Variants in MRPS28 observed in about 807,000 individuals in gnomAD.
The protein encoded by MRPS28 is mitochondrial ribosomal protein S28.
A neutral mutation model predicts 10.8 loss-of-function variants in MRPS28; 7 were observed. The observed-to-expected ratio is 0.65, with a 90% CI of 0.37 to 1.22. The LOEUF is 1.22. Ranked by LOEUF, MRPS28 falls within the 50% of genes most tolerant of loss-of-function variation. MRPS28 has a pLI of 0.02. For synonymous variants in MRPS28, 121 were observed against 93.3 expected (o/e 1.30, Z -1.71); for missense variants, 265 against 232.9 (o/e 1.14, Z -0.90).
chr8:79,971,548 C>T (rs545671624), intron 2 of MRPS28, among the ~76,000 whole-genome samples: 2 of 152,296 alleles, frequency 1.3e-5, no homozygotes, highest in African/African-American at 4.8e-5. Flanking sequence ...TAGGTCACCA[C>T]TAATCCATCT....
In MRPS28 at chr8:79,918,786, G is replaced by GA. The variant is rs1485925048; in HGVS notation, c.*193dup. 12 of 269,272 alleles carry GA rather than the reference G, an allele frequency of 4.5e-5. No homozygotes were observed. The highest frequency in any genetic ancestry group is 2.1e-4 in the African/African-American group (7 of 33,680). 16.7% of individuals were successfully genotyped at this position (269,272 alleles called of 1,614,324 possible). ...ACAGTGTATACTATCCCCACCAAAG[G>GA]AAAAAAACATTAAGAGCAAAACAAG... On this transcript the variant is annotated 3_prime_UTR_variant, in exon 3 of 3. Transcript: ENST00000276585.
intron 2 of MRPS28, among the ~76,000 whole-genome samples, chr8:79,950,267 A>G (rs1349127681): frequency 6.6e-6 from 1 of 152,152 alleles, no homozygotes; most frequent in East Asian, 1.9e-4. Context: ...AGTTTGGCAT[A>G]AACAGTAACC....
chr8:79,974,288 C>G (rs928576306), intron 2 of MRPS28, among the ~76,000 whole-genome samples: 4 of 152,058 alleles, frequency 2.6e-5, no homozygotes, highest in African/African-American at 9.7e-5. Context: ...CGCCTGTTAT[C>G]CCAGAACTTT....
chr8:80,012,805 T>C (rs1016134274), intron 1 of MRPS28, among the ~76,000 whole-genome samples: 3 of 152,244 alleles, frequency 2.0e-5, no homozygotes, highest in African/African-American at 7.2e-5. Flanking sequence ...CATTCATTCA[T>C]TCATCAAACA....
intron 2 of MRPS28, among the ~76,000 whole-genome samples, chr8:79,985,524 G>T (rs905866673): frequency 6.6e-6 from 1 of 151,884 alleles, no homozygotes; most frequent in Non-Finnish European, 1.5e-5. Context: ...TTGATAGACC[G>T]CTAGCAAGGC....
intron 2 of MRPS28, among the ~76,000 whole-genome samples, chr8:79,943,123 G>A (rs1806813084): frequency 6.6e-6 from 1 of 152,204 alleles, no homozygotes; most frequent in African/African-American, 2.4e-5. Flanking sequence ...AGTCAGTCCA[G>A]CAGCTGCATT....
intron 2 of MRPS28, among the ~76,000 whole-genome samples, chr8:79,935,669 G>A (rs1024446050): frequency 2.6e-5 from 4 of 152,202 alleles, no homozygotes; most frequent in Non-Finnish European, 4.4e-5. Flanking sequence ...ATTTATGTTT[G>A]TAGAGAGATA....
At chr8:80,029,799 T>C in intron 1 of MRPS28, 2 of 1,522,922 alleles carry the variant, frequency 1.3e-6, no homozygotes, top group Non-Finnish European at 1.8e-6. Context: ...ACAAGCGCAG[T>C]GTGGACAGAC....
intron 2 of MRPS28, among the ~76,000 whole-genome samples, chr8:79,991,480 G>A (rs1303375503): frequency 6.6e-6 from 1 of 152,122 alleles, no homozygotes; most frequent in Non-Finnish European, 1.5e-5. Context: ...GTATGGATAA[G>A]TAAGGAGACA....
chr8:80,027,415 C>G (rs12156383), intron 1 of MRPS28, among the ~76,000 whole-genome samples: 2 of 152,040 alleles, frequency 1.3e-5, no homozygotes, highest in East Asian at 3.9e-4. Flanking sequence ...TGAACTGAGC[C>G]GAAGCTTTTA....
At chr8:79,958,155 A>C (rs1391153670) in intron 2 of MRPS28, 3 of 481,542 alleles carry the variant, frequency 6.2e-6, no homozygotes, top group African/African-American at 6.1e-5. Context: ...ACTCATTAGC[A>C]ATCTCTCCCC....
In MRPS28 at chr8:79,943,163, A is replaced by G. The variant is rs534668810; in HGVS notation, c.396-24015T>C. Among the ~76,000 whole-genome samples, 9 of 152,330 alleles carry G rather than the reference A, an allele frequency of 5.9e-5. No homozygotes were observed. The South Asian group carries it at 1.9e-3, about 32-fold the overall frequency. On this transcript the variant is annotated intron_variant, in intron 2 of 2. Transcript: ENST00000276585. ...AACCATGCCAATCCTACACCAATAT[A>G]TAAAGACAGCTGCCTTGCCTGTCCT... is the stretch of plus-strand genomic sequence containing the variant.
rs967000538 is a variant in MRPS28, at chr8:79,926,629, T to C, written c.396-7481A>G. Among the ~76,000 whole-genome samples, 132 of 152,300 alleles carry C rather than the reference T, an allele frequency of 8.7e-4. 2 individuals are homozygous for C. Among genetic ancestry groups the C allele is most frequent in the African/African-American group, 3.1e-3 (127 of 41,570 alleles). ...ACAAGTCTAGTAGCAACCTTCAACA[T>C]ATATAAAATAAATGACAGGAGAGCA... On this transcript the variant is annotated intron_variant, in intron 2 of 2. Coordinates refer to ENST00000276585, the MANE Select transcript of MRPS28 (RefSeq NM_014018.3).
chr8:79,980,505 T>A (rs1807926223), intron 2 of MRPS28, among the ~76,000 whole-genome samples: 1 of 152,224 alleles, frequency 6.6e-6, no homozygotes, highest in Non-Finnish European at 1.5e-5. Context: ...TGACATTGAT[T>A]TTGTTTGACA....
intron 2 of MRPS28, among the ~76,000 whole-genome samples, chr8:79,919,907 C>G (rs932826168): frequency 6.6e-6 from 1 of 151,198 alleles, no homozygotes; most frequent in African/African-American, 2.4e-5. Context: ...ATTAACTCGT[C>G]ATTTACGTTA....
chr8:79,925,871 C>A (rs1387850426), intron 2 of MRPS28, among the ~76,000 whole-genome samples: 2 of 151,830 alleles, frequency 1.3e-5, no homozygotes, highest in African/African-American at 4.8e-5. Flanking sequence ...TCTGTGGTCC[C>A]AGTTACTTGG....
chr8:79,986,893 G>A (rs13255865), intron 2 of MRPS28, among the ~76,000 whole-genome samples: 11,808 of 151,860 alleles, frequency 0.078, 638 homozygotes, highest in African/African-American at 0.15. Context: ...TCAAGCTACC[G>A]ATGACTTTCT....
chr8:79,980,969 T>C (rs983460535), intron 2 of MRPS28, among the ~76,000 whole-genome samples: 5 of 152,214 alleles, frequency 3.3e-5, no homozygotes, highest in Admixed American at 2.6e-4. Flanking sequence ...AACTTTACTT[T>C]TGGAATGCTT....
intron 2 of MRPS28, among the ~76,000 whole-genome samples, chr8:79,965,672 T>A (rs1459920248): frequency 6.6e-6 from 1 of 152,096 alleles, no homozygotes. Flanking sequence ...GAATTTTATC[T>A]TACATGTTAA....
Sources: allele counts gnomAD v4.1 joint callset (sites outside exome capture counted in the v4.1 genomes callset), GRCh38; gene constraint gnomAD v4.1.1; transcripts MANE v1.5; gene names NCBI Gene and HGNC (gene_info 2026-07-23, HGNC 2026-07-21).